Variants in ATP9B observed in about 807,000 individuals in gnomAD.
The protein encoded by ATP9B is ATPase phospholipid transporting 9B.
Under a neutral mutation model 146.1 loss-of-function variants are expected in ATP9B, and 110 were observed. That is an observed-to-expected ratio of 0.75 (90% CI 0.65 to 0.88). ATP9B has a LOEUF of 0.88. Ranked by LOEUF, ATP9B falls within the 40% of genes least tolerant of loss-of-function variation. The probability of loss-of-function intolerance (pLI) is 0.00; values close to 1 mark genes in which losing one functional copy is unlikely to be tolerated. For synonymous variants in ATP9B, 604 were observed against 569.7 expected (o/e 1.06, Z -0.86); for missense variants, 1,499 against 1,496.4 (o/e 1.00, Z -0.03).
intron 15 of ATP9B, among the ~76,000 whole-genome samples, chr18:79,314,628 G>A (rs142150574): frequency 1.3e-5 from 2 of 152,248 alleles, no homozygotes; most frequent in Non-Finnish European, 2.9e-5. Flanking sequence ...CTTATGCCCC[G>A]GTCATTGTTT....
At chr18:79,179,506 CA>C (rs2095224028) in intron 8 of ATP9B, among the ~76,000 whole-genome samples, 1 of 152,016 alleles carries the variant, frequency 6.6e-6, no homozygotes, top group African/African-American at 2.4e-5. Flanking sequence ...AAATCATTTT[CA>C]TTTAGTTAAA....
At chr18:79,091,706 C>T (rs980871978) in intron 1 of ATP9B, among the ~76,000 whole-genome samples, 4 of 152,160 alleles carry the variant, frequency 2.6e-5, no homozygotes, top group African/African-American at 9.7e-5. Flanking sequence ...AATATACGTT[C>T]GTATCATCAG....
chr18:79,103,868 G>C (rs1156410272), intron 2 of ATP9B, among the ~76,000 whole-genome samples: 1 of 152,144 alleles, frequency 6.6e-6, no homozygotes, highest in Non-Finnish European at 1.5e-5. Context: ...GTTGTGAATT[G>C]ATGAGTTTGT....
intron 13 of ATP9B, among the ~76,000 whole-genome samples, chr18:79,301,034 T>G (rs1260764428): frequency 6.6e-6 from 1 of 152,236 alleles, no homozygotes; most frequent in Non-Finnish European, 1.5e-5. Context: ...TGTTTTTAAC[T>G]TAGCACATTT....
At chr18:79,332,407 C>T (rs374097642) in intron 17 of ATP9B, among the ~76,000 whole-genome samples, 30 of 152,108 alleles carry the variant, frequency 2.0e-4, no homozygotes, top group South Asian at 8.3e-4. Context: ...CCAGCCTGGG[C>T]GACAGAGCGA....
At chr18:79,267,819 C>T (rs1288608115) in intron 12 of ATP9B, among the ~76,000 whole-genome samples, 1 of 152,080 alleles carries the variant, frequency 6.6e-6, no homozygotes, top group African/African-American at 2.4e-5. Context: ...AAACAACTTG[C>T]ATTCCCAATT....
In ATP9B at chr18:79,324,666, T is replaced by C. The variant is rs146466362; in HGVS notation, c.1774-4475T>C. 6.6e-5 allele frequency among the ~76,000 whole-genome samples: 10 copies of C among 150,742 alleles called. No homozygotes were observed. The East Asian group carries it at 1.9e-3, about 29-fold the overall frequency. On this transcript the variant is annotated intron_variant, in intron 15 of 29. Transcript: ENST00000426216. ...GTACCCAACAAATTGCACTGGCCCT[T>C]ACATGCAGGGTTGATTAATAAGAGT...
At position 79,176,776 on chromosome 18, in the gene ATP9B, A is replaced by G. The variant is rs775920653; in HGVS notation, c.779-37A>G. On this transcript the variant is annotated intron_variant, in intron 7 of 29. Transcript: ENST00000426216. ...AGCTCAGGAAAAACCTTCTGTAACA[A>G]TTCAAGAGTGGTAAATTTTTATTCT... The G allele has an allele frequency of 1.3e-5, 20 of 1,577,244 alleles. No homozygotes were observed. The Admixed American group carries it at 1.5e-4, about 12-fold the overall frequency.
chr18:79,292,668 T>TC lies in ATP9B; in HGVS notation c.1412-10936_1412-10935insC, dbSNP rs1376499210. ...GGACTTGCAACTCGTGATTTCTTCT[T>TC]TAAAAAAAAAAAAAAGACATGCATC... On this transcript the variant is annotated intron_variant, in intron 13 of 29. Transcript: ENST00000426216. 6.7e-5 allele frequency among the ~76,000 whole-genome samples: 5 copies of TC among 74,800 alleles called. No individual in the cohort carries two copies. The Admixed American group carries it at 6.9e-4, about 10-fold the overall frequency. 49.1% of individuals were successfully genotyped at this position (74,800 alleles called of 152,430 possible). A position where few individuals can be genotyped will look rare whatever the true frequency, so the allele number is the denominator to read the frequency against.
intron 5 of ATP9B, among the ~76,000 whole-genome samples, chr18:79,129,486 T>C (rs1377270794): frequency 6.6e-6 from 1 of 152,090 alleles, no homozygotes; most frequent in Non-Finnish European, 1.5e-5. Flanking sequence ...TTTGTTTGGG[T>C]TTGTTTCCTC....
At position 79,303,683 on chromosome 18, in the gene ATP9B, G is replaced by A. The variant is rs1258772034; in HGVS notation, c.1491G>A (p.Glu497=). 2.5e-6 allele frequency: 4 copies of A among 1,614,006 alleles called. No homozygotes were observed. In the East Asian group the frequency reaches 6.7e-5, roughly 27 times the overall value. The change falls in exon 14 of 30, where the codon GAG becomes GAA. Residue 497 remains glutamate, a synonymous_variant. Coordinates refer to ENST00000426216, the MANE Select transcript of ATP9B (RefSeq NM_198531.5). ...TVSYGADTMD[E]IQSHVRDSYS... ...CCTATGGCGCCGACACGATGGATGA[G>A]ATCCAGAGCCATGTCAGGGACTCCT... is the stretch of plus-strand genomic sequence containing the variant.
intron 11 of ATP9B, among the ~76,000 whole-genome samples, chr18:79,233,244 A>G (rs1411437457): frequency 1.3e-5 from 2 of 152,158 alleles, no homozygotes; most frequent in African/African-American, 4.8e-5. Context: ...GTGAGCCGAG[A>G]TCATGCCACT....
intron 7 of ATP9B, among the ~76,000 whole-genome samples, chr18:79,157,886 C>T (rs1473813163): frequency 6.6e-6 from 1 of 151,974 alleles, no homozygotes; most frequent in Non-Finnish European, 1.5e-5. Context: ...AGTAATTGAA[C>T]TCTTCTCTCT....
At chr18:79,114,946 C>T (rs35748278) in intron 4 of ATP9B, 20,367 of 154,900 alleles carry the variant, frequency 0.13, 1,941 homozygotes, top group African/African-American at 0.27. Flanking sequence ...TAATTGAATA[C>T]CCTTTATTTC....
At chr18:79,339,813 C>T (rs2147330023) in intron 19 of ATP9B, among the ~76,000 whole-genome samples, 1 of 152,184 alleles carries the variant, frequency 6.6e-6, no homozygotes, top group East Asian at 1.9e-4. Flanking sequence ...GAAAGTATGT[C>T]ATGATCGCAG....
At chr18:79,231,351 T>G (rs1423335155) in intron 11 of ATP9B, among the ~76,000 whole-genome samples, 2 of 152,012 alleles carry the variant, frequency 1.3e-5, no homozygotes, top group Non-Finnish European at 2.9e-5. Flanking sequence ...AATGGACAAT[T>G]CTGAAAAGAA....
At chr18:79,248,767 A>C (rs1599268366) in intron 11 of ATP9B, among the ~76,000 whole-genome samples, 4 of 152,322 alleles carry the variant, frequency 2.6e-5, no homozygotes, top group Admixed American at 6.5e-5. Flanking sequence ...GAAGTTTTGC[A>C]TTTTACTATT....
At chr18:79,077,916 A>T (rs915339019) in intron 1 of ATP9B, 1 of 152,196 alleles carries the variant, frequency 6.6e-6, no homozygotes, top group Non-Finnish European at 1.5e-5. Flanking sequence ...CATAGATGAA[A>T]TACTGCCTGA....
At chr18:79,071,820 C>T (rs377744005) in intron 1 of ATP9B, among the ~76,000 whole-genome samples, 1 of 142,900 alleles carries the variant, frequency 7.0e-6, no homozygotes, top group Non-Finnish European at 1.5e-5. Context: ...TTTACTTTGT[C>T]TTTAGTTTTC....
Sources: gnomAD v4.1 joint callset for allele counts (sites outside exome capture counted in the v4.1 genomes callset) on GRCh38, gnomAD v4.1.1 for gene constraint, MANE v1.5 for transcripts, NCBI Gene and HGNC (gene_info 2026-07-23, HGNC 2026-07-21) for gene names.